Variants in SF3B1 observed in about 807,000 individuals in gnomAD.
The protein encoded by SF3B1 is pre-mRNA processing 10.
A neutral mutation model predicts 153.8 loss-of-function variants in SF3B1; 12 were observed. The observed-to-expected ratio is 0.08, with a 90% confidence interval of 0.05 to 0.13. The LOEUF (loss-of-function observed/expected upper bound fraction) is 0.13. Ranked by LOEUF, SF3B1 falls within the 10% of genes least tolerant of loss-of-function variation. The pLI is 1.00. For synonymous variants in SF3B1, 498 were observed against 525.2 expected, an observed-to-expected ratio of 0.95 and a Z score of 0.71; for missense variants, 513 against 1,606.1, an observed-to-expected ratio of 0.32 and a Z score of 11.63.
intron 23 of SF3B1, among the ~76,000 whole-genome samples, chr2:197,393,506 G>A (rs1326907558): frequency 6.6e-6 from 1 of 150,654 alleles, no homozygotes; most frequent in East Asian, 1.9e-4. Context: ...AGACTGGAGT[G>A]CAGTGGTGTG....
intron 1 of SF3B1, among the ~76,000 whole-genome samples, chr2:197,430,669 G>T (rs2085414439): frequency 1.3e-5 from 2 of 152,148 alleles, no homozygotes; most frequent in African/African-American, 4.8e-5. Flanking sequence ...GATCAAGCTG[G>T]TCTCAAACTC....
chr2:197,426,457 A>G (rs1374809114), intron 1 of SF3B1, among the ~76,000 whole-genome samples: 1 of 151,884 alleles, frequency 6.6e-6, no homozygotes, highest in Non-Finnish European at 1.5e-5. Flanking sequence ...CACCACGCCC[A>G]GCTTCAGGCT....
chr2:197,420,150 G>A (rs747037899), intron 4 of SF3B1: 15 of 362,744 alleles, frequency 4.1e-5, no homozygotes, highest in African/African-American at 1.5e-4. Context: ...TATAGAAAGC[G>A]TACCCAAAAC....
chr2:197,417,359 T>C (rs2085163343), intron 5 of SF3B1, among the ~76,000 whole-genome samples: 1 of 152,134 alleles, frequency 6.6e-6, no homozygotes, highest in Non-Finnish European at 1.5e-5. Flanking sequence ...TGGATGCACA[T>C]TTAATTCACT....
chr2:197,415,878 CA>C (rs529508772), intron 6 of SF3B1, among the ~76,000 whole-genome samples: 1 of 152,236 alleles, frequency 6.6e-6, no homozygotes, highest in Non-Finnish European at 1.5e-5. Context: ...TAGCTCACTG[CA>C]ACCTCTACCT....
intron 6 of SF3B1, among the ~76,000 whole-genome samples, chr2:197,410,969 C>CA (rs1170781513): frequency 6.6e-6 from 1 of 152,150 alleles, no homozygotes; most frequent in East Asian, 1.9e-4. Flanking sequence ...CACAGGGTCT[C>CA]ACTCTGTCGC....
intron 1 of SF3B1, among the ~76,000 whole-genome samples, chr2:197,430,412 T>C: frequency 6.6e-6 from 1 of 152,088 alleles, no homozygotes; most frequent in East Asian, 1.9e-4. Flanking sequence ...TGAAGCTAGG[T>C]GATGAGTATA....
At chr2:197,393,366 T>C (rs1347012590) in intron 23 of SF3B1, 178 bp from the exon 24 acceptor site, 2 of 589,912 alleles carry the variant, frequency 3.4e-6, no homozygotes, top group South Asian at 2.2e-5. Flanking sequence ...ATCTAATATA[T>C]CCTTTAGAAT....
At chr2:197,432,490 C>G in intron 1 of SF3B1, among the ~76,000 whole-genome samples, 1 of 152,298 alleles carries the variant, frequency 6.6e-6, no homozygotes, top group East Asian at 1.9e-4. Context: ...TTTTATATTT[C>G]AATCCTGGAA....
rs1233055614 is a variant in SF3B1 at position 197,396,524 on chromosome 2, TAA to T, written c.3267-198_3267-197del. On this transcript the variant is annotated intron_variant, in intron 22 of 24. Transcript: ENST00000335508. ...TTTCATATAAATTAAAAGGTCAGTT[TAA>T]AAAAGTTGACTCTGAGAAGATCAGA... is the stretch of plus-strand genomic sequence containing the variant. Among the ~76,000 whole-genome samples, 138 of 152,338 alleles carry T rather than the reference TAA, an allele frequency of 9.1e-4. 1 individual carries two copies. Among genetic ancestry groups the T allele is most frequent in the African/African-American group, 3.2e-3 (131 of 41,580 alleles).
intron 6 of SF3B1, among the ~76,000 whole-genome samples, chr2:197,416,088 G>C (rs1431938751): frequency 2.0e-5 from 3 of 147,554 alleles, no homozygotes; most frequent in Admixed American, 1.4e-4. Context: ...AAAGTGCTGA[G>C]ATTATAGGCA....
chr2:197,412,378 CAG>C (rs1481162104), intron 6 of SF3B1, among the ~76,000 whole-genome samples: 4 of 134,306 alleles, frequency 3.0e-5, no homozygotes, highest in African/African-American at 1.2e-4. Flanking sequence ...TTATTTGAGA[CAG>C]AGTCTCACTC....
chr2:197,398,689 G>C (rs147017947), intron 20 of SF3B1, 108 bp from the exon 21 acceptor site: 1 of 1,023,074 alleles, frequency 9.8e-7, no homozygotes, highest in Non-Finnish European at 1.4e-6. Context: ...TAAACTTACA[G>C]CTGCCTAGGG....
In SF3B1 at chr2:197,396,345, G is replaced by C. The variant is rs772881560; in HGVS notation, c.3267-17C>G. 6 of 1,593,060 alleles carry C rather than the reference G, an allele frequency of 3.8e-6. No individual in the cohort carries two copies. In the South Asian group the frequency reaches 6.8e-5, roughly 18 times the overall value. On this transcript the variant is annotated splice_polypyrimidine_tract_variant and intron_variant, in intron 22 of 24. Coordinates refer to ENST00000335508, the MANE Select transcript of SF3B1 (RefSeq NM_012433.4). Reference sequence around the variant, plus strand: ...TCATGAGGGCTGAAAAAAACAAATGGGTCAACAAGCTGTTACATTATAAGT... The same window carrying C: ...TCATGAGGGCTGAAAAAAACAAATGCGTCAACAAGCTGTTACATTATAAGT...
In SF3B1 at chr2:197,405,530, A is replaced by G. The variant is rs1225058968; in HGVS notation, c.1240-58T>C. 5.0e-6 allele frequency: 6 copies of G among 1,191,576 alleles called. No individual in the cohort carries two copies. In the East Asian group the frequency reaches 1.3e-4, roughly 25 times the overall value. 73.8% of individuals were successfully genotyped at this position (1,191,576 alleles called of 1,614,324 possible). ...CTTAACTTAAAAAACAGCATAATGA[A>G]CAATATTTGCACTTAAAATATTTTA... On this transcript the variant is annotated intron_variant, in intron 9 of 24. Transcript: ENST00000335508.
At chr2:197,425,113 G>T (rs1415261464) in intron 1 of SF3B1, among the ~76,000 whole-genome samples, 1 of 152,068 alleles carries the variant, frequency 6.6e-6, no homozygotes, top group Non-Finnish European at 1.5e-5. Flanking sequence ...CCGAGATCAC[G>T]TGCCACTGCA....
Position 197,418,234 on chromosome 2 carries a change from CA to C in SF3B1, c.495+274del, listed in dbSNP as rs59644092. 6.1e-3 allele frequency among the ~76,000 whole-genome samples: 222 copies of C among 36,354 alleles called. 1 individual carries two copies. The highest frequency in any genetic ancestry group is 0.026 in the East Asian group (28 of 1,070). The allele number at this position is 36,354 out of a possible 152,430, so 23.8% of individuals were successfully genotyped here. A position where few individuals can be genotyped will look rare whatever the true frequency, so the allele number is the denominator to read the frequency against. ...CTGGATGACAGAGTGAGACTGTGTC[CA>C]AAAAAAAAAAAAAAAAAAAAAAAAA... On this transcript the variant is annotated intron_variant, in intron 5 of 24. Coordinates refer to ENST00000335508, the MANE Select transcript of SF3B1 (RefSeq NM_012433.4).
rs2084872801 is a variant in SF3B1, at chr2:197,396,223, T to C, written c.3372A>G (p.Ser1124=). The change falls in exon 23 of 25, where the codon TCA becomes TCG. Residue 1124 remains serine (S), a synonymous_variant. Transcript: ENST00000335508. ...TTAAGGCAGGGAGTACTGTAAAGGG[T>C]GAACATGTTTCTGCAACAATAGCTA... ...VAIAIVAETC[S]PFTVLPALMN... is the part of the protein sequence containing the mutation. 6.2e-7 allele frequency: 1 copy of C among 1,613,970 alleles called. No homozygotes were observed. Among genetic ancestry groups the C allele is most frequent in the South Asian group, 1.1e-5 (1 of 91,078 alleles).
chr2:197,404,896 T>C, intron 11 of SF3B1, 180 bp downstream of exon 11: 1 of 503,246 alleles, frequency 2.0e-6, no homozygotes, highest in Non-Finnish European at 3.6e-6. Context: ...AATATAAACA[T>C]GGCCAGGTGC....
Sources: allele counts gnomAD v4.1 joint callset (sites outside exome capture counted in the v4.1 genomes callset), GRCh38; gene constraint gnomAD v4.1.1; transcripts MANE v1.5; gene names NCBI Gene and HGNC (gene_info 2026-07-23, HGNC 2026-07-21).